The following CHST11 variants were observed in gnomAD, a reference collection of about 807,000 sequenced individuals.
CHST11 encodes carbohydrate sulfotransferase 11.
In CHST11, 9 loss-of-function variants were observed where a neutral mutation model predicts 30.4. The ratio of observed to expected loss-of-function variants is 0.30; its 90% CI spans 0.18 to 0.52. CHST11 has a LOEUF of 0.52. Among genes scored for constraint, CHST11 ranks in the 20% least tolerant of loss-of-function variants. The pLI is 0.97. For missense variants in CHST11, 348 were observed against 460.6 expected (o/e 0.76, Z 2.24); for synonymous variants, 152 against 187.8 (o/e 0.81, Z 1.56).
intron 1 of CHST11, among the ~76,000 whole-genome samples, chr12:104,519,491 G>T (rs888423382): frequency 3.3e-5 from 5 of 152,194 alleles, no homozygotes; most frequent in African/African-American, 1.2e-4. Flanking sequence ...TTTGACCTCA[G>T]TGGGGATAGG....
At chr12:104,560,809 T>C (rs2038506085) in intron 1 of CHST11, among the ~76,000 whole-genome samples, 1 of 152,142 alleles carries the variant, frequency 6.6e-6, no homozygotes, top group African/African-American at 2.4e-5. Context: ...GCTCCTTGAG[T>C]ATGGGGGCTG....
At chr12:104,516,290 T>C (rs1028036774) in intron 1 of CHST11, among the ~76,000 whole-genome samples, 2 of 152,168 alleles carry the variant, frequency 1.3e-5, no homozygotes, top group African/African-American at 4.8e-5. Flanking sequence ...AGACCCTGAC[T>C]CTTTTTGTCT....
At chr12:104,580,281 G>C (rs2038730308) in intron 1 of CHST11, among the ~76,000 whole-genome samples, 1 of 152,176 alleles carries the variant, frequency 6.6e-6, no homozygotes, top group South Asian at 2.1e-4. Flanking sequence ...TTCTGGATTT[G>C]ACTAAAGTTT....
intron 2 of CHST11, among the ~76,000 whole-genome samples, chr12:104,702,616 C>T (rs2039998598): frequency 6.6e-6 from 1 of 152,174 alleles, no homozygotes; most frequent in Admixed American, 6.5e-5. Context: ...AGAGGAGAGA[C>T]AGCCCTTTGT....
At chr12:104,722,783 C>A (rs1232666431) in intron 2 of CHST11, among the ~76,000 whole-genome samples, 1 of 152,030 alleles carries the variant, frequency 6.6e-6, no homozygotes, top group Admixed American at 6.5e-5. Flanking sequence ...TGAGGGGAGA[C>A]TTTCTCAAAG....
intron 2 of CHST11, among the ~76,000 whole-genome samples, chr12:104,744,249 G>A (rs1027782999): frequency 1.3e-5 from 2 of 152,126 alleles, no homozygotes; most frequent in African/African-American, 2.4e-5. Flanking sequence ...CTTTTTCTCC[G>A]CAACCTTGCC....
chr12:104,719,247 G>A (rs1436534419), intron 2 of CHST11, among the ~76,000 whole-genome samples: 2 of 152,218 alleles, frequency 1.3e-5, no homozygotes, highest in Admixed American at 1.3e-4. Flanking sequence ...GTGGGCCAGG[G>A]TTGAGTTCTG....
At chr12:104,644,983 C>T (rs1482464800) in intron 2 of CHST11, among the ~76,000 whole-genome samples, 1 of 152,210 alleles carries the variant, frequency 6.6e-6, no homozygotes, top group East Asian at 1.9e-4. Flanking sequence ...CAGAGTCTTG[C>T]ACTGTCATCC....
At chr12:104,728,987 A>C (rs2040236176) in intron 2 of CHST11, among the ~76,000 whole-genome samples, 1 of 152,166 alleles carries the variant, frequency 6.6e-6, no homozygotes, top group Non-Finnish European at 1.5e-5. Flanking sequence ...ATTAAAACAT[A>C]CCCCAAAAAG....
At chr12:104,548,519 A>G (rs1370587517) in intron 1 of CHST11, among the ~76,000 whole-genome samples, 3 of 152,178 alleles carry the variant, frequency 2.0e-5, no homozygotes, top group African/African-American at 4.8e-5. Context: ...AAAGGGAAGA[A>G]AATTTATTAT....
intron 1 of CHST11, among the ~76,000 whole-genome samples, chr12:104,592,808 C>G (rs185349000): frequency 7.2e-5 from 11 of 152,244 alleles, no homozygotes; most frequent in Admixed American, 7.2e-4. Flanking sequence ...TGTACTTGGA[C>G]AGGGATCTTA....
In CHST11 at chr12:104,676,508, G is replaced by A. The variant is rs149813345; in HGVS notation, c.204+74517G>A. On this transcript the variant is annotated intron_variant, in intron 2 of 2. Transcript: ENST00000303694. This position sits in a 1 kb window ranked among gnomAD's most constrained non-coding sequence, Gnocchi z 4.4. ...CGGCTCACTGCAACCTCCGCCTCCC[G>A]GGTTCAAGGGATTATTCTGCCCCAG... Among the ~76,000 whole-genome samples the A allele has an allele frequency of 2.0e-4, 30 of 152,286 alleles. No homozygotes were observed. Among genetic ancestry groups the A allele is most frequent in the African/African-American group, 6.3e-4 (26 of 41,566 alleles).
At chr12:104,743,943 T>C (rs1262204550) in intron 2 of CHST11, among the ~76,000 whole-genome samples, 2 of 152,192 alleles carry the variant, frequency 1.3e-5, no homozygotes, top group African/African-American at 2.4e-5. Context: ...ATGATCTCTC[T>C]TTTTTTATGG....
intron 2 of CHST11, among the ~76,000 whole-genome samples, chr12:104,618,219 C>CTTTTTTTT (rs796468874): frequency 8.9e-6 from 1 of 111,862 alleles, no homozygotes. Context: ...TTCTTCTTTT[C>CTTTTTTTT]TTTTCTTTTT....
chr12:104,521,842 C>A (rs942189910), intron 1 of CHST11, among the ~76,000 whole-genome samples: 1 of 152,172 alleles, frequency 6.6e-6, no homozygotes, highest in Non-Finnish European at 1.5e-5. Context: ...TGTTTCCCTG[C>A]CAGTGGGCAT....
intron 1 of CHST11, among the ~76,000 whole-genome samples, chr12:104,483,101 C>G (rs1204539925): frequency 6.6e-6 from 1 of 152,186 alleles, no homozygotes; most frequent in Non-Finnish European, 1.5e-5. Flanking sequence ...CAAAACTGGA[C>G]TCCTGCATCT....
At chr12:104,543,097 T>C (rs935779684) in intron 1 of CHST11, among the ~76,000 whole-genome samples, 20 of 152,300 alleles carry the variant, frequency 1.3e-4, no homozygotes, top group Admixed American at 2.6e-4. Flanking sequence ...AGGTGAGGCC[T>C]CAGGAAGCTT....
At chr12:104,681,632 A>G (rs892079320) in intron 2 of CHST11, among the ~76,000 whole-genome samples, 4 of 152,164 alleles carry the variant, frequency 2.6e-5, no homozygotes, top group African/African-American at 9.7e-5. Flanking sequence ...GAAATAATAC[A>G]AAGTTTAAAA....
intron 1 of CHST11, among the ~76,000 whole-genome samples, chr12:104,591,080 A>T (rs2038853482): frequency 6.6e-6 from 1 of 151,720 alleles, no homozygotes; most frequent in Non-Finnish European, 1.5e-5. Context: ...TGGGAGAGGG[A>T]CTCCAGGCTG....
Sources: allele counts gnomAD v4.1 joint callset (sites outside exome capture counted in the v4.1 genomes callset), GRCh38; gene constraint gnomAD v4.1.1; non-coding constraint Gnocchi (gnomAD v3.1); transcripts MANE v1.5; gene names NCBI Gene and HGNC (gene_info 2026-07-23, HGNC 2026-07-21).